BMP1: variants seen among roughly 807,000 people sequenced by gnomAD.
BMP1 encodes bone morphogenetic protein 1.
Under a neutral mutation model 116.8 loss-of-function variants are expected in BMP1, and 63 were observed. That is an observed-to-expected ratio of 0.54 (90% CI 0.44 to 0.67). BMP1 has a LOEUF of 0.67. BMP1 is among the 30% of genes least tolerant of loss of function. BMP1 has a pLI of 0.00. For synonymous variants in BMP1, 536 were observed against 533.4 expected, an observed-to-expected ratio of 1.00 and a Z score of -0.07; for missense variants, 1,183 against 1,358.9, an observed-to-expected ratio of 0.87 and a Z score of 2.04.
intron 16 of BMP1, among the ~76,000 whole-genome samples, chr8:22,204,737 G>A (rs1014584221): frequency 4.5e-4 from 25 of 55,412 alleles, no homozygotes; most frequent in African/African-American, 1.1e-3. Flanking sequence ...CACCCCGCCC[G>A]CCCCCGCAAA....
At position 22,179,994 on chromosome 8, in the gene BMP1, G is replaced by T. The variant is rs905684680; in HGVS notation, c.961+165G>T. The stretch of plus-strand genomic sequence containing the variant: ...GGGCAGTGTCCAAGTGAAGGAGGCC[G>T]CTGGGGGTAGGCTCAGGTGGGTGGT... On this transcript the variant is annotated intron_variant, in intron 7 of 19. Transcript: ENST00000306385. The surrounding 1 kb of genome is among the most constrained non-coding windows in gnomAD (Gnocchi z 4.6). Among the ~76,000 whole-genome samples the T allele has an allele frequency of 1.3e-5, 2 of 152,054 alleles. No homozygotes were observed. Among genetic ancestry groups the T allele is most frequent in the Admixed American group, 1.3e-4 (2 of 15,280 alleles).
chr8:22,181,767 C>A, intron 8 of BMP1, among the ~76,000 whole-genome samples: 1 of 152,102 alleles, frequency 6.6e-6, no homozygotes, highest in East Asian at 1.9e-4. Context: ...GTTGCACAGG[C>A]TGGTCTCGAA....
chr8:22,177,875 A>T lies in BMP1; in HGVS notation c.754A>T (p.Met252Leu), dbSNP rs1294753421. 6.2e-7 allele frequency: 1 copy of T among 1,612,910 alleles called. No homozygotes were observed. The highest frequency in any genetic ancestry group is 2.2e-5 in the East Asian group (1 of 44,854). ...QPGQEYNFLK[M>L]EPQEVESLGE... ...AGGGCAGGAGTATAACTTCCTGAAG[A>T]TGGAGCCTCAGGAGGTGGAGTCCCT... The change falls in exon 6 of 20, where the codon ATG becomes TTG. Residue 252 changes from methionine to leucine, a missense_variant. Physicochemically the swap from Met to Leu is conservative, Grantham distance 15. Around this residue, in one of 4 missense-constraint regions of BMP1, gnomAD observed 956 missense variants for 1,135.2 expected, o/e 0.84. Coordinates refer to ENST00000306385, the MANE Select transcript of BMP1 (RefSeq NM_006129.5).
intron 12 of BMP1, 111 bp downstream of exon 12, chr8:22,195,030 C>A: frequency 8.2e-7 from 1 of 1,213,020 alleles, no homozygotes. Context: ...ACCAGTGAGA[C>A]CCCAGGGCTG....
chr8:22,176,988 C>CG lies in BMP1; in HGVS notation c.584dup (p.Gln197ProfsTer10), dbSNP rs1828459412. On this transcript the variant is annotated frameshift_variant, in exon 5 of 20. Transcript: ENST00000306385. LOFTEE classifies it high-confidence loss of function. ...GCTGCTCCTACGTGGGTCGCCGCGG[C>CG]GGGGGCCCCCAGGCCATCTCCATCG... 1.9e-6 allele frequency: 3 copies of CG among 1,611,932 alleles called. No homozygotes were observed. The highest frequency in any genetic ancestry group is 2.5e-6 in the Non-Finnish European group (3 of 1,179,276).
intron 17 of BMP1, 103 bp downstream of exon 17, chr8:22,207,084 C>G: frequency 6.6e-7 from 1 of 1,521,946 alleles, no homozygotes; most frequent in Non-Finnish European, 8.9e-7. Context: ...GGTCTGCCAT[C>G]CCCAGGAGAC....
At chr8:22,196,280 G>A in intron 13 of BMP1, 1 of 544,212 alleles carries the variant, frequency 1.8e-6, no homozygotes, top group Non-Finnish European at 3.6e-6. Context: ...GCACTCCGAG[G>A]CTAATGGCTC....
intron 9 of BMP1, among the ~76,000 whole-genome samples, chr8:22,192,933 A>C (rs543696143): frequency 7.9e-5 from 12 of 152,338 alleles, no homozygotes; most frequent in African/African-American, 1.2e-4. Context: ...GGATATTGCT[A>C]ACCTCTATTT....
intron 9 of BMP1, 132 bp downstream of exon 9, chr8:22,192,283 C>G: frequency 1.4e-6 from 1 of 716,452 alleles, no homozygotes; most frequent in Non-Finnish European, 2.3e-6. Context: ...GCCAGGAGTC[C>G]TGGCATCATT....
chr8:22,207,863 TA>T (rs1265820790), intron 18 of BMP1, among the ~76,000 whole-genome samples: 4 of 150,970 alleles, frequency 2.6e-5, no homozygotes, highest in East Asian at 3.9e-4. Context: ...CTCTGATATT[TA>T]TTTTTTTATT....
intron 15 of BMP1, among the ~76,000 whole-genome samples, chr8:22,199,812 A>G (rs1432978895): frequency 2.0e-5 from 3 of 152,180 alleles, no homozygotes; most frequent in Admixed American, 1.3e-4. Flanking sequence ...GCTCTCGATC[A>G]GGCCCCCTCT....
intron 9 of BMP1, among the ~76,000 whole-genome samples, chr8:22,193,845 C>A (rs1398436984): frequency 6.6e-6 from 1 of 152,166 alleles, no homozygotes; most frequent in African/African-American, 2.4e-5. Context: ...GAAATAGACT[C>A]ATATCCTATC....
At position 22,184,865 on chromosome 8, in the gene BMP1, A is replaced by T. The variant is rs116099636; in HGVS notation, c.1077+4382A>T. ...GGCCTTTCAAAGGTAAACCTGAAATAATGCCGCCTGCTTTAGTGGATGGAC... is the reference window on the plus strand; with the variant it reads ...GGCCTTTCAAAGGTAAACCTGAAATTATGCCGCCTGCTTTAGTGGATGGAC... On this transcript the variant is annotated intron_variant, in intron 8 of 19. Transcript: ENST00000306385. Among the ~76,000 whole-genome samples, 1,103 of 152,344 alleles carry T rather than the reference A, an allele frequency of 7.2e-3. 11 individuals are homozygous for T. Among genetic ancestry groups the T allele is most frequent in the African/African-American group, 0.026 (1,063 of 41,576 alleles).
chr8:22,183,587 G>C (rs1828683582), intron 8 of BMP1, among the ~76,000 whole-genome samples: 1 of 140,560 alleles, frequency 7.1e-6, no homozygotes, highest in African/African-American at 3.0e-5. Context: ...GCAGGTATGT[G>C]TTAAATTATT....
chr8:22,167,350 C>G (rs1828145359), intron 1 of BMP1, among the ~76,000 whole-genome samples: 1 of 152,190 alleles, frequency 6.6e-6, no homozygotes, highest in Non-Finnish European at 1.5e-5. Flanking sequence ...CAAACCAAGC[C>G]ACACTGAGTG....
chr8:22,210,012 T>C (rs1829433256), intron 19 of BMP1, among the ~76,000 whole-genome samples: 1 of 152,246 alleles, frequency 6.6e-6, no homozygotes, highest in Non-Finnish European at 1.5e-5. Flanking sequence ...CCTCCTTTCC[T>C]TACCCCTCCC....
intron 16 of BMP1, among the ~76,000 whole-genome samples, chr8:22,206,295 A>T (rs934064677): frequency 6.6e-6 from 1 of 151,204 alleles, no homozygotes; most frequent in Admixed American, 6.6e-5. Context: ...TGAGGTCGGG[A>T]GTTTGAGACT....
At chr8:22,188,830 C>T (rs1828851543) in intron 8 of BMP1, among the ~76,000 whole-genome samples, 1 of 152,200 alleles carries the variant, frequency 6.6e-6, no homozygotes, top group South Asian at 2.1e-4. Context: ...ACGTCATCCT[C>T]CCCAGACAGA....
At chr8:22,169,760 G>A (rs547910024) in intron 1 of BMP1, 3 of 152,386 alleles carry the variant, frequency 2.0e-5, no homozygotes, top group Admixed American at 2.0e-4. Context: ...CAGAAGGGGA[G>A]GCCTTGCCAT....
Sources: allele counts gnomAD v4.1 joint callset (sites outside exome capture counted in the v4.1 genomes callset), GRCh38; gene constraint gnomAD v4.1.1; regional missense constraint gnomAD v4.1.1; non-coding constraint Gnocchi (gnomAD v3.1); transcripts MANE v1.5; gene names NCBI Gene and HGNC (gene_info 2026-07-23, HGNC 2026-07-21).